BACH2: variants seen among roughly 807,000 people sequenced by gnomAD.
BACH2 encodes transcription regulator protein BACH2.
A neutral mutation model predicts 61.8 loss-of-function variants in BACH2; 5 were observed. That is an observed-to-expected ratio of 0.08 (90% CI 0.04 to 0.17). BACH2 has a LOEUF of 0.17. Among genes scored for constraint, BACH2 ranks in the 10% least tolerant of loss-of-function variants. The pLI is 1.00. For missense variants in BACH2, 824 were observed against 1,091.1 expected (o/e 0.76, Z 3.45); for synonymous variants, 446 against 440.1 (o/e 1.01, Z -0.17).
At chr6:90,059,953 C>A (rs1780591450) in intron 5 of BACH2, among the ~76,000 whole-genome samples, 1 of 122,508 alleles carries the variant, frequency 8.2e-6, no homozygotes, top group Non-Finnish European at 1.6e-5. Context: ...GGAAGGGGAA[C>A]AACACACACC....
intron 7 of BACH2, among the ~76,000 whole-genome samples, chr6:89,949,599 A>G (rs1172125703): frequency 1.3e-5 from 2 of 152,114 alleles, no homozygotes; most frequent in Admixed American, 6.5e-5. Context: ...GGTGGATGAA[A>G]CTGCTACTCT....
At chr6:90,144,914 G>A (rs1784568501) in intron 4 of BACH2, among the ~76,000 whole-genome samples, 2 of 152,072 alleles carry the variant, frequency 1.3e-5, no homozygotes, top group African/African-American at 4.8e-5. Flanking sequence ...TTATTTGTCT[G>A]GATTTTACCA....
At chr6:90,245,886 G>GA (rs1487089596) in intron 3 of BACH2, among the ~76,000 whole-genome samples, 1 of 152,214 alleles carries the variant, frequency 6.6e-6, no homozygotes, top group Non-Finnish European at 1.5e-5. Flanking sequence ...TGCTCTCCAG[G>GA]AATTTTCTCC....
chr6:90,285,710 A>T (rs2127889165), intron 1 of BACH2, among the ~76,000 whole-genome samples: 1 of 152,306 alleles, frequency 6.6e-6, no homozygotes, highest in South Asian at 2.1e-4. Flanking sequence ...ATCTGAAAAT[A>T]GCCTCCCAGT....
intron 4 of BACH2, among the ~76,000 whole-genome samples, chr6:90,096,285 C>A (rs909746635): frequency 6.6e-6 from 1 of 151,980 alleles, no homozygotes; most frequent in African/African-American, 2.4e-5. Flanking sequence ...GCCTAGAATT[C>A]CCTCCCACAA....
At chr6:90,155,410 GAAACT>G (rs1784964247) in intron 4 of BACH2, among the ~76,000 whole-genome samples, 1 of 152,184 alleles carries the variant, frequency 6.6e-6, no homozygotes, top group African/African-American at 2.4e-5. Context: ...TTTGGAAAAG[GAAACT>G]AAACTAAGAA....
At chr6:90,045,569 G>A (rs75340880) in intron 5 of BACH2, among the ~76,000 whole-genome samples, 2,269 of 152,266 alleles carry the variant, frequency 0.015, 76 homozygotes, top group East Asian at 0.14. Flanking sequence ...AATCTTTGCC[G>A]TAAGTCCGAG....
intron 4 of BACH2, among the ~76,000 whole-genome samples, chr6:90,184,064 TC>T (rs1465394416): frequency 6.6e-6 from 1 of 152,214 alleles, no homozygotes; most frequent in Non-Finnish European, 1.5e-5. Context: ...CTCTTGTCTG[TC>T]GTTCTGAAAT....
At chr6:90,269,694 C>A (rs1771458619) in intron 2 of BACH2, among the ~76,000 whole-genome samples, 1 of 151,948 alleles carries the variant, frequency 6.6e-6, no homozygotes, top group Admixed American at 6.6e-5. Context: ...ATAAAAGAGC[C>A]CTAAAACAAA....
chr6:90,246,477 A>T (rs924036509), intron 3 of BACH2, among the ~76,000 whole-genome samples: 1 of 152,166 alleles, frequency 6.6e-6, no homozygotes, highest in African/African-American at 2.4e-5. Context: ...CAAAAGAAAA[A>T]TGCGTTACAT....
intron 5 of BACH2, among the ~76,000 whole-genome samples, chr6:90,019,069 C>T (rs1455973339): frequency 6.6e-6 from 1 of 152,096 alleles, no homozygotes; most frequent in African/African-American, 2.4e-5. Context: ...TATTCTTTCT[C>T]CTACCACACT....
At position 89,963,610 on chromosome 6, in the gene BACH2, G is replaced by T. The variant is rs146279004; in HGVS notation, c.244-11748C>A. 2.7e-3 allele frequency among the ~76,000 whole-genome samples: 405 copies of T among 152,304 alleles called. 1 individual carries two copies. The highest frequency in any genetic ancestry group is 9.4e-3 in the African/African-American group (389 of 41,560). On this transcript the variant is annotated intron_variant, in intron 6 of 8. Transcript: ENST00000257749. ...TTTGGCCCTTGTGCATTGTTGAAGA[G>T]ATTGCAAAATAGTGCAGCTGCTATG...
chr6:90,251,477 T>A, intron 3 of BACH2, among the ~76,000 whole-genome samples: 1 of 141,194 alleles, frequency 7.1e-6, no homozygotes, highest in Admixed American at 7.1e-5. Flanking sequence ...CATTTAAAAA[T>A]AGCCACTCAG....
rs2128351459 is a variant in BACH2, at chr6:89,929,621, G to C, written c.*2787C>G. On this transcript the variant is annotated 3_prime_UTR_variant, in exon 9 of 9. Transcript: ENST00000257749. ...GTTGGGGGAAGAGGAAGAAAAGCAA[G>C]GCAGGGGTGGGTGGGAGGAAGGTGA... The C allele has an allele frequency of 6.6e-6, 1 of 152,488 alleles. No homozygotes were observed. The highest frequency in any genetic ancestry group is 2.4e-5 in the African/African-American group (1 of 41,574). 9.4% of individuals were successfully genotyped at this position (152,488 alleles called of 1,614,324 possible).
chr6:90,244,463 G>A (rs999390947), intron 3 of BACH2, among the ~76,000 whole-genome samples: 1 of 152,158 alleles, frequency 6.6e-6, no homozygotes. Flanking sequence ...TCCAGAATCT[G>A]GTCTAGAATC....
chr6:89,959,315 T>C (rs552015939), intron 6 of BACH2, among the ~76,000 whole-genome samples: 1 of 152,232 alleles, frequency 6.6e-6, no homozygotes, highest in East Asian at 1.9e-4. Flanking sequence ...GAAAATCATG[T>C]AGGCTCAGTG....
At chr6:90,028,098 C>A (rs1778729332) in intron 5 of BACH2, among the ~76,000 whole-genome samples, 1 of 152,202 alleles carries the variant, frequency 6.6e-6, no homozygotes, top group South Asian at 2.1e-4. Context: ...TCGGCCATGA[C>A]ACTATGTAGA....
intron 4 of BACH2, among the ~76,000 whole-genome samples, chr6:90,202,903 A>T (rs919182275): frequency 1.7e-4 from 26 of 152,200 alleles, no homozygotes; most frequent in African/African-American, 6.0e-4. Context: ...ATTTGCCTCT[A>T]CAGAATCCTG....
At chr6:90,021,685 A>T (rs1476813003) in intron 5 of BACH2, among the ~76,000 whole-genome samples, 1 of 152,240 alleles carries the variant, frequency 6.6e-6, no homozygotes, top group Non-Finnish European at 1.5e-5. Flanking sequence ...GCACAGTGCT[A>T]TAAAAATTAC....
Sources: gnomAD v4.1 joint callset for allele counts (sites outside exome capture counted in the v4.1 genomes callset) on GRCh38, gnomAD v4.1.1 for gene constraint, MANE v1.5 for transcripts, NCBI Gene and HGNC (gene_info 2026-07-23, HGNC 2026-07-21) for gene names.